COL5A2: variants seen among roughly 807,000 people sequenced by gnomAD.
COL5A2 encodes collagen type V alpha 2 chain.
A neutral mutation model predicts 208.2 loss-of-function variants in COL5A2; 23 were observed. That is an observed-to-expected ratio of 0.11 (90% CI 0.08 to 0.16). COL5A2 has a LOEUF of 0.16. COL5A2 is among the 10% of genes least tolerant of loss of function. The probability of loss-of-function intolerance (pLI) is 1.00; values close to 1 mark genes in which losing one functional copy is unlikely to be tolerated. For missense variants in COL5A2, 1,590 were observed against 1,956.4 expected (o/e 0.81, Z 3.53); for synonymous variants, 625 against 628.5 (o/e 0.99, Z 0.08).
chr2:189,035,282 G>T, intron 52 of COL5A2, 127 bp from the exon 53 acceptor site: 1 of 1,248,348 alleles, frequency 8.0e-7, no homozygotes, highest in Non-Finnish European at 1.1e-6. Context: ...TTTAATTCTT[G>T]TCATAAAGTA....
the COL5A2 span, among the ~76,000 whole-genome samples, chr2:189,272,554 T>G: frequency 6.6e-6 from 1 of 152,042 alleles, no homozygotes. Flanking sequence ...GAGAAATACT[T>G]AATGTAGATG....
the COL5A2 span, among the ~76,000 whole-genome samples, chr2:189,382,739 A>G: frequency 6.6e-6 from 1 of 152,188 alleles, no homozygotes; most frequent in Non-Finnish European, 1.5e-5. Context: ...GGTTTGGGAT[A>G]GGTGGTGGAG....
intron 1 of COL5A2, among the ~76,000 whole-genome samples, chr2:189,158,724 A>G (rs900279724): frequency 6.6e-6 from 1 of 152,024 alleles, no homozygotes; most frequent in African/African-American, 2.4e-5. Flanking sequence ...CCATAACACT[A>G]TATTCTCCTA....
the COL5A2 span, among the ~76,000 whole-genome samples, chr2:189,239,384 T>G: frequency 6.6e-6 from 1 of 151,892 alleles, no homozygotes; most frequent in African/African-American, 2.4e-5. Flanking sequence ...ATTCTCCAAG[T>G]GTGCCCAGTG....
At chr2:189,322,239 T>C in the COL5A2 span, among the ~76,000 whole-genome samples, 3 of 152,078 alleles carry the variant, frequency 2.0e-5, no homozygotes, top group Non-Finnish European at 4.4e-5. Context: ...AGATCTAAAA[T>C]TGACACCCTA....
chr2:189,198,776 C>T (rs1158960870), intron 1 of COL5A2, among the ~76,000 whole-genome samples: 2 of 152,050 alleles, frequency 1.3e-5, no homozygotes, highest in Non-Finnish European at 2.9e-5. Context: ...TAATAATATG[C>T]AATTATTGGA....
At chr2:189,290,920 T>A in the COL5A2 span, among the ~76,000 whole-genome samples, 1 of 152,066 alleles carries the variant, frequency 6.6e-6, no homozygotes, top group Non-Finnish European at 1.5e-5. Flanking sequence ...ATTTAAAAAT[T>A]CTGAAAGAAT....
the COL5A2 span, among the ~76,000 whole-genome samples, chr2:189,354,784 T>A: frequency 6.6e-6 from 1 of 152,168 alleles, no homozygotes; most frequent in African/African-American, 2.4e-5. Context: ...TCTCCTTCAG[T>A]TCTGCTCTGA....
intron 29 of COL5A2, among the ~76,000 whole-genome samples, chr2:189,062,319 G>T (rs1451190138): frequency 6.6e-6 from 1 of 151,854 alleles, no homozygotes; most frequent in African/African-American, 2.4e-5. Flanking sequence ...GAATAGCTAG[G>T]ATTACAGGCA....
chr2:189,378,690 C>G, the COL5A2 span, among the ~76,000 whole-genome samples: 1 of 149,136 alleles, frequency 6.7e-6, no homozygotes, highest in Non-Finnish European at 1.5e-5. Flanking sequence ...CGCCACTGCA[C>G]TCTAGCCTGG....
intron 1 of COL5A2, among the ~76,000 whole-genome samples, chr2:189,185,507 A>G (rs1315801272): frequency 6.6e-6 from 1 of 152,180 alleles, no homozygotes; most frequent in Non-Finnish European, 1.5e-5. Flanking sequence ...TGAAAATAAC[A>G]TTTCTGCTGG....
chr2:189,157,159 A>ATATCGATAT (rs1375654221), intron 1 of COL5A2, among the ~76,000 whole-genome samples: 1 of 71,590 alleles, frequency 1.4e-5, no homozygotes. Flanking sequence ...TTCATGTGCT[A>ATATCGATAT]AGCATATATA....
At chr2:189,215,114 G>C (rs1689262773) in intron 1 of COL5A2, among the ~76,000 whole-genome samples, 1 of 152,082 alleles carries the variant, frequency 6.6e-6, no homozygotes, top group Non-Finnish European at 1.5e-5. Context: ...TTCATTCTCT[G>C]TTGAGTATTT....
rs990025380 is a variant in COL5A2 at position 189,125,064 on chromosome 2, T to C, written c.98-14615A>G. Reference sequence around the variant, plus strand: ...GACTAAAAATTATTTAATGGAATTTTACGGGCTAAATATCAAGTATAAAGA... The same window carrying C: ...GACTAAAAATTATTTAATGGAATTTCACGGGCTAAATATCAAGTATAAAGA... On this transcript the variant is annotated intron_variant, in intron 1 of 53. Coordinates refer to ENST00000374866, the MANE Select transcript of COL5A2 (RefSeq NM_000393.5). 2.0e-5 allele frequency among the ~76,000 whole-genome samples: 3 copies of C among 152,302 alleles called. No homozygotes were observed. The East Asian group carries it at 5.8e-4, about 29-fold the overall frequency.
intron 6 of COL5A2, among the ~76,000 whole-genome samples, chr2:189,096,402 G>A (rs1279520882): frequency 6.6e-6 from 1 of 151,940 alleles, no homozygotes; most frequent in Non-Finnish European, 1.5e-5. Flanking sequence ...ACGTTGTAGG[G>A]AGGCCGAGGC....
intron 1 of COL5A2, among the ~76,000 whole-genome samples, chr2:189,146,741 A>AT (rs1370813748): frequency 6.6e-6 from 1 of 152,154 alleles, no homozygotes; most frequent in Non-Finnish European, 1.5e-5. Context: ...CCCAAGATGA[A>AT]TTTTTTGTCA....
chr2:189,421,530 C>G, the COL5A2 span, among the ~76,000 whole-genome samples: 4 of 151,954 alleles, frequency 2.6e-5, no homozygotes, highest in Non-Finnish European at 5.9e-5. Context: ...CCACCATCTG[C>G]TTGGGGGAAA....
chr2:189,245,979 A>G, the COL5A2 span, among the ~76,000 whole-genome samples: 1 of 152,344 alleles, frequency 6.6e-6, no homozygotes, highest in Non-Finnish European at 1.5e-5. Context: ...TTTAATGATA[A>G]AAACAAATTA....
At chr2:189,204,794 A>G (rs1689123264) in intron 1 of COL5A2, among the ~76,000 whole-genome samples, 1 of 152,166 alleles carries the variant, frequency 6.6e-6, no homozygotes, top group Non-Finnish European at 1.5e-5. Flanking sequence ...GTCTTGGATT[A>G]ATTATGTTGT....
Sources: allele counts gnomAD v4.1 joint callset (sites outside exome capture counted in the v4.1 genomes callset), GRCh38; gene constraint gnomAD v4.1.1; transcripts MANE v1.5; gene names NCBI Gene and HGNC (gene_info 2026-07-23, HGNC 2026-07-21).